Variants in HSD17B2 observed in about 807,000 individuals in gnomAD.
The protein encoded by HSD17B2 is hydroxysteroid 17-beta dehydrogenase 2.
In HSD17B2, 32 loss-of-function variants were observed where a neutral mutation model predicts 26.9. The ratio of observed to expected loss-of-function variants is 1.19; its 90% CI spans 0.90 to 1.60. The LOEUF (loss-of-function observed/expected upper bound fraction) is 1.60. Ranked by LOEUF, HSD17B2 falls within the 40% of genes most tolerant of loss-of-function variation. The pLI, the probability that HSD17B2 is intolerant of heterozygous loss-of-function variation, is 0.00. For missense variants in HSD17B2, 613 were observed against 468.6 expected (o/e 1.31, Z -2.85); for synonymous variants, 246 against 186.7 (o/e 1.32, Z -2.59).
intron 4 of HSD17B2, chr16:82,096,525 A>C (rs1904843754): frequency 6.6e-6 from 1 of 152,124 alleles, no homozygotes; most frequent in African/African-American, 2.4e-5. Flanking sequence ...TGCCCAGCCT[A>C]AAATCCTATA....
chr16:82,054,936 G>C (rs1204364598), intron 1 of HSD17B2, among the ~76,000 whole-genome samples: 1 of 152,248 alleles, frequency 6.6e-6, no homozygotes, highest in African/African-American at 2.4e-5. Context: ...TGAAAGCAGA[G>C]TTTCTCAACC....
chr16:82,048,189 C>A (rs187845176), intron 1 of HSD17B2, among the ~76,000 whole-genome samples: 4 of 152,154 alleles, frequency 2.6e-5, no homozygotes, highest in Admixed American at 1.3e-4. Context: ...ATCTGAGAGA[C>A]GAGTGTAGAC....
chr16:82,094,928 G>C (rs1904795936), intron 4 of HSD17B2: 2 of 152,262 alleles, frequency 1.3e-5, no homozygotes, highest in South Asian at 2.1e-4. Flanking sequence ...CCATAGAGCT[G>C]ATAGGAGGCA....
intron 1 of HSD17B2, among the ~76,000 whole-genome samples, chr16:82,041,246 T>TA (rs1567576195): frequency 6.6e-6 from 1 of 152,242 alleles, no homozygotes; most frequent in Non-Finnish European, 1.5e-5. Flanking sequence ...AACACAGTGT[T>TA]AATGAGCGAA....
intron 1 of HSD17B2, among the ~76,000 whole-genome samples, chr16:82,038,558 T>G (rs1379444132): frequency 1.3e-5 from 2 of 152,146 alleles, no homozygotes; most frequent in Non-Finnish European, 2.9e-5. Flanking sequence ...TGATGCATTT[T>G]AAATGTATAA....
chr16:82,047,505 T>C (rs569439361), intron 1 of HSD17B2, among the ~76,000 whole-genome samples: 5 of 152,300 alleles, frequency 3.3e-5, no homozygotes, highest in Admixed American at 6.5e-5. Context: ...ACTTGCAGTA[T>C]AGAGGAGCAG....
In HSD17B2 at chr16:82,098,467, T is replaced by C. The variant is rs1567596270; in HGVS notation, c.*31T>C. The C allele has an allele frequency of 5.2e-6, 8 of 1,549,882 alleles. No homozygotes were observed. Among genetic ancestry groups the C allele is most frequent in the Middle Eastern group, 3.5e-4 (2 of 5,744 alleles). On this transcript the variant is annotated 3_prime_UTR_variant, in exon 5 of 5. Transcript: ENST00000199936. ...GGAAGCCCTCAAAGAAGTCGGAATG[T>C]CATAGTCTTGAAATGAAAGGGAAAC...
At chr16:82,068,462 C>T (rs1250384232) in intron 2 of HSD17B2, 80 bp downstream of exon 2, 37 of 1,165,500 alleles carry the variant, frequency 3.2e-5, no homozygotes, top group East Asian at 2.5e-4. Flanking sequence ...TGAACATGCC[C>T]CCCCACTCCA....
At chr16:82,093,749 G>T (rs964033639) in intron 4 of HSD17B2, 10 of 152,168 alleles carry the variant, frequency 6.6e-5, no homozygotes, top group African/African-American at 2.4e-4. Context: ...AGGAATAAAA[G>T]AATGCCTACT....
intron 4 of HSD17B2, chr16:82,096,559 A>G (rs1043234942): frequency 1.6e-4 from 25 of 152,212 alleles, no homozygotes; most frequent in African/African-American, 5.3e-4. Context: ...CATTACTTCT[A>G]TATCTTAAAA....
At position 82,088,497 on chromosome 16, in the gene HSD17B2, GCAGT is replaced by G. The variant is rs538886709; in HGVS notation, c.665-2400_665-2397del. Among the ~76,000 whole-genome samples the G allele has an allele frequency of 3.2e-3, 490 of 152,316 alleles. 1 individual carries two copies. The highest frequency in any genetic ancestry group is 0.011 in the African/African-American group (474 of 41,574). On this transcript the variant is annotated intron_variant, in intron 3 of 4. Transcript: ENST00000199936. ...TCAATGGCAGAGCTAGGATTTGAATGCAGTCAGTGTTGGCTCCTCTGCTAACCTG... is the reference window on the plus strand; with the variant it reads ...TCAATGGCAGAGCTAGGATTTGAATGCAGTGTTGGCTCCTCTGCTAACCTG...
At chr16:82,052,113 T>C (rs1914126488) in intron 1 of HSD17B2, among the ~76,000 whole-genome samples, 1 of 152,164 alleles carries the variant, frequency 6.6e-6, no homozygotes, top group African/African-American at 2.4e-5. Context: ...TATCCGAGAT[T>C]TGAGGTCTTG....
chr16:82,093,948 A>C (rs1255847011), intron 4 of HSD17B2: 2 of 152,166 alleles, frequency 1.3e-5, no homozygotes, highest in Non-Finnish European at 2.9e-5. Flanking sequence ...TGGCATTTAT[A>C]AACTGTCCTG....
intron 3 of HSD17B2, 184 bp downstream of exon 3, chr16:82,071,311 T>C (rs1402784768): frequency 1.3e-5 from 9 of 669,996 alleles, no homozygotes; most frequent in Middle Eastern, 2.4e-4. Flanking sequence ...AATTCTTTCA[T>C]GTAGAAACTC....
At chr16:82,069,784 A>G (rs1003579666) in intron 2 of HSD17B2, among the ~76,000 whole-genome samples, 6 of 152,188 alleles carry the variant, frequency 3.9e-5, no homozygotes, top group African/African-American at 1.4e-4. Context: ...AAATGAAAAC[A>G]TGGGGCCCCT....
chr16:82,057,563 G>A (rs1351521975), intron 1 of HSD17B2, among the ~76,000 whole-genome samples: 1 of 152,184 alleles, frequency 6.6e-6, no homozygotes, highest in African/African-American at 2.4e-5. Context: ...AGCTTGGGAA[G>A]GGGAAAAAGC....
chr16:82,080,509 C>T (rs1904350354), intron 3 of HSD17B2, among the ~76,000 whole-genome samples: 1 of 152,148 alleles, frequency 6.6e-6, no homozygotes, highest in Non-Finnish European at 1.5e-5. Flanking sequence ...GTCAAGGGAA[C>T]TAGTTCTCCC....
chr16:82,093,712 G>A (rs1021098386), intron 4 of HSD17B2: 1 of 152,202 alleles, frequency 6.6e-6, no homozygotes, highest in Non-Finnish European at 1.5e-5. Flanking sequence ...GTAGAGTAAA[G>A]TGAAAGCAAG....
rs112805180 is a variant in HSD17B2 at position 82,037,182 on chromosome 16, T to C, written c.265+1493T>C. Among the ~76,000 whole-genome samples the C allele has an allele frequency of 6.6e-5, 10 of 152,346 alleles. 2 individuals are homozygous for C. The highest frequency in any genetic ancestry group is 2.4e-4 in the African/African-American group (10 of 41,582). Reference sequence around the variant, plus strand: ...AAGGACTAATCCCTGCATGAAATGCTTATGGCAATGAAGAAAGCTTAGAAT... The same window carrying C: ...AAGGACTAATCCCTGCATGAAATGCCTATGGCAATGAAGAAAGCTTAGAAT... On this transcript the variant is annotated intron_variant, in intron 1 of 4. Coordinates refer to ENST00000199936, the MANE Select transcript of HSD17B2 (RefSeq NM_002153.3).
Sources: gnomAD v4.1 joint callset for allele counts (sites outside exome capture counted in the v4.1 genomes callset) on GRCh38, gnomAD v4.1.1 for gene constraint, MANE v1.5 for transcripts, NCBI Gene and HGNC (gene_info 2026-07-23, HGNC 2026-07-21) for gene names.